The following RIMS2 variants were observed in gnomAD, a reference collection of about 807,000 sequenced individuals.
The protein encoded by RIMS2 is regulating synaptic membrane exocytosis protein 2.
Under a neutral mutation model 174.4 loss-of-function variants are expected in RIMS2, and 59 were observed. That is an observed-to-expected ratio of 0.34 (90% CI 0.27 to 0.42). The LOEUF (loss-of-function observed/expected upper bound fraction) is 0.42. Among genes scored for constraint, RIMS2 ranks in the 10% least tolerant of loss-of-function variants. The probability of loss-of-function intolerance (pLI) is 1.00; values close to 1 mark genes in which losing one functional copy is unlikely to be tolerated. For missense variants in RIMS2, 1,620 were observed against 1,666.3 expected, an observed-to-expected ratio of 0.97 and a Z score of 0.48; for synonymous variants, 606 against 572.5, an observed-to-expected ratio of 1.06 and a Z score of -0.84.
intron 2 of RIMS2, among the ~76,000 whole-genome samples, chr8:103,737,876 T>A (rs2097707124): frequency 6.6e-6 from 1 of 152,218 alleles, no homozygotes; most frequent in Non-Finnish European, 1.5e-5. Context: ...TGTAGGGTGT[T>A]ACTTCCATCA....
chr8:104,037,279 C>A (rs1315825617), intron 19 of RIMS2, among the ~76,000 whole-genome samples: 1 of 152,156 alleles, frequency 6.6e-6, no homozygotes, highest in Non-Finnish European at 1.5e-5. Flanking sequence ...TTCTAAGACT[C>A]TGTGACCTTT....
Position 103,931,249 on chromosome 8 carries a change from T to C in RIMS2, c.2245-14T>C. On this transcript the variant is annotated splice_polypyrimidine_tract_variant and intron_variant, in intron 11 of 23. Transcript: ENST00000504942. The stretch of plus-strand genomic sequence containing the variant: ...AAATGTTTGAATTGATAAATGAATA[T>C]TTTTGCTTTTCAGATAAAACTATGG... 1.3e-6 allele frequency: 2 copies of C among 1,574,016 alleles called. No individual in the cohort carries two copies. The highest frequency in any genetic ancestry group is 1.7e-6 in the Non-Finnish European group (2 of 1,156,562).
intron 15 of RIMS2, among the ~76,000 whole-genome samples, chr8:103,971,005 C>G (rs2092805329): frequency 6.6e-6 from 1 of 151,998 alleles, no homozygotes; most frequent in African/African-American, 2.4e-5. Flanking sequence ...GTAAGCAATT[C>G]TAGGCATGGA....
intron 19 of RIMS2, among the ~76,000 whole-genome samples, chr8:104,117,776 T>G (rs2098302796): frequency 6.6e-6 from 1 of 152,250 alleles, no homozygotes; most frequent in African/African-American, 2.4e-5. Context: ...ATGTATATAT[T>G]TGGGAAATGT....
chr8:103,525,197 A>G (rs1433885863), intron 1 of RIMS2, among the ~76,000 whole-genome samples: 3 of 152,240 alleles, frequency 2.0e-5, no homozygotes, highest in African/African-American at 7.2e-5. Context: ...TTGTGGTCAA[A>G]TGATTAAGTT....
downstream of RIMS2, chr8:104,254,110 C>G (rs2099364655): frequency 6.6e-6 from 1 of 152,084 alleles, no homozygotes; most frequent in Non-Finnish European, 1.5e-5. Flanking sequence ...TGTGCATATT[C>G]CTATACAAAT....
chr8:103,921,002 GCAACAA>G (rs112922890), intron 9 of RIMS2: 4,367 of 196,948 alleles, frequency 0.022, 91 homozygotes, highest in East Asian at 0.062. Flanking sequence ...CTGTCTCAAA[GCAACAA>G]CAACAACAAC....
At chr8:104,153,855 A>G (rs775869165) in intron 19 of RIMS2, among the ~76,000 whole-genome samples, 2 of 152,220 alleles carry the variant, frequency 1.3e-5, no homozygotes, top group Non-Finnish European at 1.5e-5. Context: ...GAAGCAGGAC[A>G]TGATCAACTG....
intron 2 of RIMS2, among the ~76,000 whole-genome samples, chr8:103,698,527 T>G (rs1326254977): frequency 6.6e-6 from 1 of 152,220 alleles, no homozygotes; most frequent in Admixed American, 6.5e-5. Context: ...TGTTTTTTAA[T>G]GTGGTGAAAT....
At chr8:103,819,301 G>T in intron 3 of RIMS2, 2 of 1,387,228 alleles carry the variant, frequency 1.4e-6, no homozygotes, top group Non-Finnish European at 9.3e-7. Context: ...AAGCTGCACG[G>T]GTACTGAATC....
Position 103,880,658 on chromosome 8 carries a change from A to G in RIMS2, c.699-4640A>G. 4 of 538,414 alleles carry G rather than the reference A, an allele frequency of 7.4e-6. 1 individual carries two copies. The allele number at this position is 538,414 out of a possible 1,614,324, so 33.4% of individuals were successfully genotyped here. On this transcript the variant is annotated intron_variant, in intron 3 of 23. Transcript: ENST00000504942. Reference sequence around the variant, plus strand: ...TGTATTTTTGTCAACATGATGCTTCATGCTCGACAGATGTGCATTGGTTGA... The same window carrying G: ...TGTATTTTTGTCAACATGATGCTTCGTGCTCGACAGATGTGCATTGGTTGA...
intron 19 of RIMS2, among the ~76,000 whole-genome samples, chr8:104,165,684 G>C (rs898408347): frequency 1.3e-5 from 2 of 151,062 alleles, no homozygotes; most frequent in African/African-American, 4.9e-5. Flanking sequence ...TCCACTTTAA[G>C]TTTTATCCTG....
chr8:103,757,029 G>C (rs1324296040), intron 2 of RIMS2, among the ~76,000 whole-genome samples: 1 of 151,172 alleles, frequency 6.6e-6, no homozygotes, highest in Admixed American at 6.6e-5. Flanking sequence ...GAGAGAGAGA[G>C]AGAGAGAGAT....
chr8:104,209,629 G>A (rs1321540118), intron 19 of RIMS2, among the ~76,000 whole-genome samples: 1 of 152,162 alleles, frequency 6.6e-6, no homozygotes, highest in African/African-American at 2.4e-5. Context: ...CCCCTTGCTA[G>A]AATATGAGCT....
chr8:104,088,993 T>A (rs1246485692), intron 19 of RIMS2, among the ~76,000 whole-genome samples: 1 of 151,974 alleles, frequency 6.6e-6, no homozygotes, highest in East Asian at 1.9e-4. Context: ...AATCATTTCC[T>A]GTAAATTTTT....
At chr8:103,556,353 G>A (rs1850444700) in intron 1 of RIMS2, among the ~76,000 whole-genome samples, 1 of 152,162 alleles carries the variant, frequency 6.6e-6, no homozygotes, top group South Asian at 2.1e-4. Flanking sequence ...TTCCTGTAAA[G>A]CTTGATCCAA....
At chr8:103,717,416 C>T (rs2097385181) in intron 2 of RIMS2, among the ~76,000 whole-genome samples, 1 of 151,872 alleles carries the variant, frequency 6.6e-6, no homozygotes, top group South Asian at 2.1e-4. Flanking sequence ...CATCCTTGAT[C>T]TGGGACAGGT....
chr8:103,789,409 C>G (rs554703015), intron 3 of RIMS2, among the ~76,000 whole-genome samples: 23 of 152,182 alleles, frequency 1.5e-4, no homozygotes, highest in South Asian at 1.5e-3. Flanking sequence ...ATTTATCAGA[C>G]GCACCTAGGG....
chr8:104,190,285 G>T (rs1416249112), intron 19 of RIMS2, among the ~76,000 whole-genome samples: 1 of 152,024 alleles, frequency 6.6e-6, no homozygotes, highest in Non-Finnish European at 1.5e-5. Context: ...CTGTGACAGA[G>T]TGGGACCCTG....
Sources: allele counts gnomAD v4.1 joint callset (sites outside exome capture counted in the v4.1 genomes callset), GRCh38; gene constraint gnomAD v4.1.1; transcripts MANE v1.5; gene names NCBI Gene and HGNC (gene_info 2026-07-23, HGNC 2026-07-21).